STK32C: variants seen among roughly 807,000 people sequenced by gnomAD.
The protein encoded by STK32C is serine/threonine-protein kinase 32C.
STK32C carries 31 observed loss-of-function variants against 56.5 expected under a neutral mutation model. That is an observed-to-expected ratio of 0.55 (90% confidence interval 0.41 to 0.74). The LOEUF (loss-of-function observed/expected upper bound fraction) is 0.74. STK32C is among the 30% of genes least tolerant of loss of function. The pLI is 0.00. For synonymous variants in STK32C, 309 were observed against 289.4 expected (o/e 1.07, Z -0.69); for missense variants, 544 against 676.9 (o/e 0.80, Z 2.18).
In STK32C at chr10:132,239,900, G is replaced by A. The variant is rs374095133; in HGVS notation, c.318+6000C>T. On this transcript the variant is annotated intron_variant, in intron 2 of 11. Coordinates refer to ENST00000298630, the MANE Select transcript of STK32C (RefSeq NM_173575.4). The stretch of plus-strand genomic sequence containing the variant: ...CAGTGAGGACAGGGACGCATCACTC[G>A]CCATGGGAACACACGTCACAGATAA... 3.9e-5 allele frequency among the ~76,000 whole-genome samples: 6 copies of A among 152,324 alleles called. No homozygotes were observed. The East Asian group carries it at 9.7e-4, about 25-fold the overall frequency.
chr10:132,284,352 ACAGGTGAGGTTGGGGGGGG>A (rs2065316199), intron 1 of STK32C, among the ~76,000 whole-genome samples: 1 of 10,906 alleles, frequency 9.2e-5, no homozygotes, highest in African/African-American at 4.5e-4. Flanking sequence ...GTTGGGGGGA[ACAGGTGAGGTTGGGGGGGG>A]CAGGTGAGGT....
At chr10:132,211,797 A>G (rs1028831556) in intron 10 of STK32C, among the ~76,000 whole-genome samples, 3 of 152,146 alleles carry the variant, frequency 2.0e-5, no homozygotes, top group Non-Finnish European at 2.9e-5. Context: ...TTGAACCGCA[A>G]GTGACGCTCC....
At chr10:132,233,176 G>C (rs2063157088) in intron 2 of STK32C, among the ~76,000 whole-genome samples, 1 of 152,264 alleles carries the variant, frequency 6.6e-6, no homozygotes, top group Non-Finnish European at 1.5e-5. Context: ...CAGTGCCCAG[G>C]ACGGGGCTGG....
At chr10:132,329,597 C>G (rs1258703097) in intron 1 of STK32C, among the ~76,000 whole-genome samples, 2 of 152,126 alleles carry the variant, frequency 1.3e-5, no homozygotes, top group Non-Finnish European at 2.9e-5. Context: ...ATTAAACAAA[C>G]TAATTGGATG....
intron 1 of STK32C, among the ~76,000 whole-genome samples, chr10:132,247,272 C>T (rs537099490): frequency 3.9e-5 from 6 of 152,158 alleles, no homozygotes; most frequent in Non-Finnish European, 8.8e-5. Flanking sequence ...AGTTTCTAGA[C>T]GAAAGGTTTC....
intron 2 of STK32C, among the ~76,000 whole-genome samples, chr10:132,240,401 ACT>A (rs2063459819): frequency 6.6e-6 from 1 of 152,172 alleles, no homozygotes; most frequent in African/African-American, 2.4e-5. Flanking sequence ...GACCACAGGC[ACT>A]GTCTTCTCGC....
chr10:132,208,384 C>G (rs1372801956), intron 11 of STK32C, among the ~76,000 whole-genome samples: 3 of 152,190 alleles, frequency 2.0e-5, no homozygotes, highest in African/African-American at 4.8e-5. Flanking sequence ...AGCCAGAAGC[C>G]GAAAGGCCTG....
chr10:132,230,199 T>G (rs1176755773), intron 2 of STK32C, among the ~76,000 whole-genome samples: 1 of 152,242 alleles, frequency 6.6e-6, no homozygotes, highest in Non-Finnish European at 1.5e-5. Flanking sequence ...CTATGACCAT[T>G]TTTTAAATTG....
chr10:132,209,869 C>G (rs1369619270), intron 10 of STK32C, among the ~76,000 whole-genome samples: 1 of 152,162 alleles, frequency 6.6e-6, no homozygotes, highest in East Asian at 1.9e-4. Flanking sequence ...TAAAAGGGCC[C>G]CCACCTCCTG....
At chr10:132,250,013 G>C (rs1207257293) in intron 1 of STK32C, among the ~76,000 whole-genome samples, 3 of 152,254 alleles carry the variant, frequency 2.0e-5, no homozygotes, top group Admixed American at 6.5e-5. Flanking sequence ...GGGCTTTGAG[G>C]GGAGCAATAT....
chr10:132,243,742 C>T (rs1406398547), intron 2 of STK32C, among the ~76,000 whole-genome samples: 4 of 152,206 alleles, frequency 2.6e-5, no homozygotes, highest in Non-Finnish European at 5.9e-5. Context: ...GGAGCCATGG[C>T]CCTGGTGGTA....
At chr10:132,265,807 C>G (rs1018107337) in intron 1 of STK32C, among the ~76,000 whole-genome samples, 1 of 152,188 alleles carries the variant, frequency 6.6e-6, no homozygotes, top group Admixed American at 6.5e-5. Flanking sequence ...GAAAACCCAA[C>G]GCGGGCCCCC....
intron 1 of STK32C, among the ~76,000 whole-genome samples, chr10:132,272,885 C>T (rs946536808): frequency 2.0e-5 from 3 of 152,214 alleles, no homozygotes; most frequent in Non-Finnish European, 4.4e-5. Context: ...GCTCCTCCAC[C>T]CTCCCTGTGC....
At position 132,307,763 on chromosome 10, in the gene STK32C, G is replaced by A. The variant is rs2066124284; in HGVS notation, c.71C>T (p.Ala24Val). 2 of 1,003,488 alleles carry A rather than the reference G, an allele frequency of 2.0e-6. No homozygotes were observed. The highest frequency in any genetic ancestry group is 1.8e-5 in the African/African-American group (1 of 57,010). The allele number at this position is 1,003,488 out of a possible 1,614,324, so 62.2% of individuals were successfully genotyped here. Residue 24 changes from alanine (A) to valine (V), a missense_variant, in exon 1 of 12, where the codon GCG (alanine) becomes GTG (valine). Physicochemically the swap from Ala to Val is moderately conservative, Grantham distance 64 (BLOSUM62 0). Coordinates refer to ENST00000298630, the MANE Select transcript of STK32C (RefSeq NM_173575.4). This position sits in a 1 kb window ranked among gnomAD's most constrained non-coding sequence, Gnocchi z 4.4. ...ASPGSPPPGR[A>V]RPAGSDAPSA... The stretch of plus-strand genomic sequence containing the variant: ...GGGCGCGTCGGAGCCGGCGGGGCGC[G>A]CGCGGCCGGGGGGCGGCGAGCCCGG...
intron 2 of STK32C, among the ~76,000 whole-genome samples, chr10:132,236,849 A>G (rs971570352): frequency 1.3e-5 from 2 of 152,064 alleles, no homozygotes; most frequent in African/African-American, 4.8e-5. Context: ...CCTCCTGTGG[A>G]CCCGACAAAC....
At chr10:132,330,313 T>C (rs911150629) in intron 1 of STK32C, 1 of 639,926 alleles carries the variant, frequency 1.6e-6, no homozygotes, top group Non-Finnish European at 2.9e-6. Context: ...GTTTTATTTG[T>C]GAAAAGAGAT....
Position 132,307,736 on chromosome 10 carries a change from G to C in STK32C, c.98C>G (p.Ser33Trp), listed in dbSNP as rs1183509589. Residue 33 changes from serine (S) to tryptophan (W), a missense_variant, in exon 1 of 12, where the codon TCG becomes TGG. By Grantham distance (177) the Ser-to-Trp change is radical. Coordinates refer to ENST00000298630, the MANE Select transcript of STK32C (RefSeq NM_173575.4). The surrounding 1 kb of genome is among the most constrained non-coding windows in gnomAD (Gnocchi z 4.4). ...GCCAGCAGCGGGCGGCGGCAGGGCC[G>C]AGGGCGCGTCGGAGCCGGCGGGGCG... ...RARPAGSDAP[S>W]ALPPPAAGQP... 8.8e-7 allele frequency: 1 copy of C among 1,138,444 alleles called. No homozygotes were observed. Among genetic ancestry groups the C allele is most frequent in the African/African-American group, 1.6e-5 (1 of 61,372 alleles). 70.5% of individuals were successfully genotyped at this position (1,138,444 alleles called of 1,614,324 possible). A position where few individuals can be genotyped will look rare whatever the true frequency, so the allele number is the denominator to read the frequency against.
intron 1 of STK32C, among the ~76,000 whole-genome samples, chr10:132,325,125 C>T (rs545816372): frequency 5.3e-5 from 8 of 152,266 alleles, no homozygotes; most frequent in Admixed American, 5.2e-4. Flanking sequence ...TGTGTCCCCA[C>T]CCAAATCTTA....
rs939321455 is a variant in STK32C at position 132,226,683 on chromosome 10, A to T, written c.644+112T>A. Reference sequence around the variant, plus strand: ...AGGCACTCAGGCAAGGGTGGGGCAGAGGAGCTAGACCCGCTCTGAGGGAGT... The same window carrying T: ...AGGCACTCAGGCAAGGGTGGGGCAGTGGAGCTAGACCCGCTCTGAGGGAGT... On this transcript the variant is annotated intron_variant, in intron 4 of 11. Transcript: ENST00000298630. 5.4e-6 allele frequency: 7 copies of T among 1,302,270 alleles called. No homozygotes were observed. In the African/African-American group the frequency reaches 1.0e-4, roughly 19 times the overall value. The allele number at this position is 1,302,270 out of a possible 1,614,324, so 80.7% of individuals were successfully genotyped here.
Sources: gnomAD v4.1 joint callset for allele counts (sites outside exome capture counted in the v4.1 genomes callset) on GRCh38, gnomAD v4.1.1 for gene constraint, Gnocchi (gnomAD v3.1) non-coding constraint, MANE v1.5 for transcripts, NCBI Gene and HGNC (gene_info 2026-07-23, HGNC 2026-07-21) for gene names.